The following SFXN4 variants were observed in gnomAD, a reference collection of about 807,000 sequenced individuals.
The protein encoded by SFXN4 is sideroflexin-4.
In SFXN4, 48 loss-of-function variants were observed where a neutral mutation model predicts 54.6. The observed-to-expected ratio is 0.88, with a 90% CI of 0.70 to 1.12. The LOEUF is 1.12. SFXN4 is among the 50% of genes most tolerant of loss of function. The pLI is 0.00. For synonymous variants in SFXN4, 130 were observed against 145.5 expected, an observed-to-expected ratio of 0.89 and a Z score of 0.77; for missense variants, 383 against 409.2, an observed-to-expected ratio of 0.94 and a Z score of 0.55.
chr10:119,143,008 A>G (rs1846616728), intron 13 of SFXN4, among the ~76,000 whole-genome samples: 2 of 152,146 alleles, frequency 1.3e-5, no homozygotes, highest in South Asian at 4.1e-4. Flanking sequence ...CTGGGATTAC[A>G]GGCATGAGCC....
chr10:119,165,622 G>A lies in SFXN4; in HGVS notation c.26C>T (p.Thr9Met), dbSNP rs781621528. The A allele has an allele frequency of 1.1e-5, 18 of 1,592,050 alleles. No individual in the cohort carries two copies. The Admixed American group carries it at 3.1e-4, about 27-fold the overall frequency. Reference sequence around the variant, plus strand: ...GCGTCCTAGGAGCCGCCCAGGTTGCGTTTCCTCCTCCTGTTCCAGGGACAT... The same window carrying A: ...GCGTCCTAGGAGCCGCCCAGGTTGCATTTCCTCCTCCTGTTCCAGGGACAT... MSLEQEEE[T>M]QPGRLLGRRD... The change falls in exon 1 of 14, where the codon ACG becomes ATG. Residue 9 changes from threonine to methionine, a missense_variant. Thr to Met is a moderately conservative substitution (Grantham distance 81). Coordinates refer to ENST00000355697, the MANE Select transcript of SFXN4 (RefSeq NM_213649.2).
chr10:119,157,781 C>T, intron 8 of SFXN4, 48 bp from the exon 9 acceptor site: 2 of 1,603,682 alleles, frequency 1.2e-6, no homozygotes, highest in Non-Finnish European at 1.7e-6. Flanking sequence ...CAGTTTTATC[C>T]AGCAAAGATA....
intron 13 of SFXN4, among the ~76,000 whole-genome samples, chr10:119,144,818 A>C (rs529850092): frequency 6.6e-6 from 1 of 152,308 alleles, no homozygotes; most frequent in East Asian, 1.9e-4. Context: ...TCAGTTCCCT[A>C]GTCACACCAG....
intron 9 of SFXN4, 116 bp downstream of exon 9, chr10:119,157,552 T>C: frequency 1.2e-6 from 1 of 833,582 alleles, no homozygotes; most frequent in Admixed American, 2.9e-5. Flanking sequence ...GACTTTTATT[T>C]CCTAGTCATA....
At chr10:119,159,827 C>A in intron 5 of SFXN4, 74 bp from the exon 6 acceptor site, 3 of 1,459,890 alleles carry the variant, frequency 2.1e-6, no homozygotes, top group Non-Finnish European at 2.9e-6. Flanking sequence ...GGGGACTACC[C>A]ACCTGAACAC....
chr10:119,157,941 C>A lies in SFXN4; in HGVS notation c.415-14G>T, dbSNP rs774589560. ...ACAGAGGAAAACCTGCCGAGAGGGGCAAATGGATCGCATTTTCGTTTCAAG... is the reference window on the plus strand; with the variant it reads ...ACAGAGGAAAACCTGCCGAGAGGGGAAAATGGATCGCATTTTCGTTTCAAG... On this transcript the variant is annotated splice_polypyrimidine_tract_variant and intron_variant, in intron 7 of 13. Transcript: ENST00000355697. The A allele has an allele frequency of 8.7e-6, 14 of 1,614,184 alleles. No homozygotes were observed. Among genetic ancestry groups the A allele is most frequent in the Non-Finnish European group, 1.2e-5 (14 of 1,180,010 alleles).
intron 10 of SFXN4, among the ~76,000 whole-genome samples, chr10:119,156,150 C>T (rs946849512): frequency 6.6e-6 from 1 of 152,150 alleles, no homozygotes; most frequent in Non-Finnish European, 1.5e-5. Context: ...GGGCCAGGCG[C>T]GGTGGCTCAT....
chr10:119,149,413 C>A (rs1199697576), intron 11 of SFXN4, among the ~76,000 whole-genome samples: 2 of 152,206 alleles, frequency 1.3e-5, no homozygotes, highest in South Asian at 4.1e-4. Context: ...AATGCCTTTC[C>A]CCCCCACAAA....
At chr10:119,144,242 G>C (rs1030892657) in intron 13 of SFXN4, among the ~76,000 whole-genome samples, 5 of 152,138 alleles carry the variant, frequency 3.3e-5, no homozygotes, top group African/African-American at 1.2e-4. Flanking sequence ...GGATCACGAG[G>C]TCAGGAGATC....
intron 12 of SFXN4, 84 bp from the exon 13 acceptor site, chr10:119,146,437 G>A: frequency 3.7e-6 from 2 of 537,510 alleles, no homozygotes; most frequent in Non-Finnish European, 6.6e-6. Flanking sequence ...GCGTGTGTGT[G>A]TGTGTGTGTG....
In SFXN4 at chr10:119,147,853, C is replaced by G; in HGVS notation, c.740G>C (p.Arg247Thr). Reference sequence around the variant, plus strand: ...CACTATTCTGGATGCTAGCGTTTCTCTAACAGCCTAGCAAAAATGAAAAGA... The same window carrying G: ...CACTATTCTGGATGCTAGCGTTTCTGTAACAGCCTAGCAAAAATGAAAAGA... ...HSRIAGTKAV[R>T]ETLASRIVLF... Residue 247 changes from arginine (R) to threonine (T), a missense_variant, in exon 12 of 14, where the codon AGA becomes ACA. By Grantham distance (71) the Arg-to-Thr change is moderately conservative. Transcript: ENST00000355697. The G allele has an allele frequency of 6.2e-7, 1 of 1,613,938 alleles. No homozygotes were observed.
chr10:119,165,659 T>G lies in SFXN4; in HGVS notation c.-12A>C. 6.4e-7 allele frequency: 1 copy of G among 1,554,594 alleles called. No homozygotes were observed. The highest frequency in any genetic ancestry group is 1.4e-5 in the African/African-American group (1 of 70,238). On this transcript the variant is annotated 5_prime_UTR_variant, in exon 1 of 14. Transcript: ENST00000355697. ...TGTTCCAGGGACATTTTGCGCTGGT[T>G]AGAGTGGCCGCCGCCGCCAGGCCGC...
intron 6 of SFXN4, 52 bp downstream of exon 6, chr10:119,159,676 G>C: frequency 6.3e-7 from 1 of 1,585,840 alleles, no homozygotes; most frequent in Non-Finnish European, 8.7e-7. Context: ...GGAGGAGAGT[G>C]GCCATCTTCC....
intron 5 of SFXN4, 30 bp downstream of exon 5, chr10:119,160,885 A>G (rs749438763): frequency 5.0e-6 from 8 of 1,612,110 alleles, no homozygotes; most frequent in Non-Finnish European, 6.8e-6. Flanking sequence ...CATCTTCCCA[A>G]CCCACTTCTG....
At chr10:119,162,529 T>G in intron 2 of SFXN4, 115 bp from the exon 3 acceptor site, 1 of 789,324 alleles carries the variant, frequency 1.3e-6, no homozygotes, top group Non-Finnish European at 2.1e-6. Flanking sequence ...ACTGCATGCC[T>G]GATTTCAAGC....
chr10:119,151,752 GT>G (rs1427655149), intron 11 of SFXN4, among the ~76,000 whole-genome samples: 3 of 151,810 alleles, frequency 2.0e-5, no homozygotes, highest in Non-Finnish European at 4.4e-5. Context: ...CTGACCTCAG[GT>G]GATCTACCTG....
intron 11 of SFXN4, among the ~76,000 whole-genome samples, chr10:119,154,122 G>A (rs1847183291): frequency 6.6e-6 from 1 of 151,168 alleles, no homozygotes; most frequent in African/African-American, 2.4e-5. Flanking sequence ...AGGTTGCAGT[G>A]AGCTGAGATC....
Position 119,146,373 on chromosome 10 carries a change from G to T in SFXN4, c.819-20C>A. ...TGGGTCCTGTAAGAGACAAGGCATG[G>T]CTCACAAGTGATGTTAAACTATCAG... On this transcript the variant is annotated intron_variant, in intron 12 of 13. Coordinates refer to ENST00000355697, the MANE Select transcript of SFXN4 (RefSeq NM_213649.2). 1 of 1,431,574 alleles carries T rather than the reference G, an allele frequency of 7.0e-7. No homozygotes were observed. Among genetic ancestry groups the T allele is most frequent in the Non-Finnish European group, 9.8e-7 (1 of 1,017,142 alleles). The allele number at this position is 1,431,574 out of a possible 1,614,324, so 88.7% of individuals were successfully genotyped here.
chr10:119,151,095 C>A (rs1045199520), intron 11 of SFXN4, among the ~76,000 whole-genome samples: 2 of 152,218 alleles, frequency 1.3e-5, no homozygotes, highest in African/African-American at 4.8e-5. Flanking sequence ...AGTGGCCAGG[C>A]ATGGGGGCTC....
Sources: gnomAD v4.1 joint callset for allele counts (sites outside exome capture counted in the v4.1 genomes callset) on GRCh38, gnomAD v4.1.1 for gene constraint, MANE v1.5 for transcripts, NCBI Gene and HGNC (gene_info 2026-07-23, HGNC 2026-07-21) for gene names.